DPYS: variants seen among roughly 807,000 people sequenced by gnomAD.
DPYS encodes the protein dihydropyrimidine amidohydrolase.
DPYS carries 39 observed loss-of-function variants against 50.3 expected under a neutral mutation model. The observed-to-expected ratio is 0.78, with a 90% CI of 0.60 to 1.01. The LOEUF (loss-of-function observed/expected upper bound fraction) is 1.01. DPYS is among the 50% of genes least tolerant of loss of function. The pLI is 0.00. For synonymous variants in DPYS, 245 were observed against 250.7 expected (o/e 0.98, Z 0.22); for missense variants, 659 against 680.9 (o/e 0.97, Z 0.36).
At chr8:104,461,339 T>TAA (rs1392004924) in intron 1 of DPYS, among the ~76,000 whole-genome samples, 2 of 151,384 alleles carry the variant, frequency 1.3e-5, no homozygotes, top group African/African-American at 2.4e-5. Flanking sequence ...TAAAATAAAA[T>TAA]AATGTCATTA....
chr8:104,400,241 C>T (rs1253601047), intron 7 of DPYS, among the ~76,000 whole-genome samples: 1 of 152,152 alleles, frequency 6.6e-6, no homozygotes, highest in Non-Finnish European at 1.5e-5. Context: ...GACTGATAGA[C>T]ACCTTGTCCT....
chr8:104,448,923 C>T (rs1588454548), intron 2 of DPYS, among the ~76,000 whole-genome samples: 2 of 152,164 alleles, frequency 1.3e-5, no homozygotes, highest in South Asian at 2.1e-4. Context: ...TTGCTGATCA[C>T]CTGTCGGCCC....
intron 7 of DPYS, among the ~76,000 whole-genome samples, chr8:104,417,962 T>C (rs1812421412): frequency 6.6e-6 from 1 of 152,258 alleles, no homozygotes; most frequent in Admixed American, 6.5e-5. Context: ...CCTGCTTTTC[T>C]TTCCACTGGT....
At chr8:104,431,556 A>G (rs1588439728) in intron 4 of DPYS, among the ~76,000 whole-genome samples, 1 of 152,204 alleles carries the variant, frequency 6.6e-6, no homozygotes, top group Admixed American at 6.5e-5. Flanking sequence ...CAAGAACTAA[A>G]AAGGGGAAGG....
intron 7 of DPYS, among the ~76,000 whole-genome samples, chr8:104,411,089 T>C (rs1812158511): frequency 6.6e-6 from 1 of 152,222 alleles, no homozygotes; most frequent in Non-Finnish European, 1.5e-5. Flanking sequence ...GTTGAGCTGA[T>C]ATTTTTCTCT....
chr8:104,440,000 C>A (rs1254743455), intron 4 of DPYS, among the ~76,000 whole-genome samples: 1 of 152,110 alleles, frequency 6.6e-6, no homozygotes, highest in Non-Finnish European at 1.5e-5. Flanking sequence ...TCAATTTCAT[C>A]AGTCACAAAA....
At chr8:104,461,942 C>T (rs563510822) in intron 1 of DPYS, among the ~76,000 whole-genome samples, 1 of 152,092 alleles carries the variant, frequency 6.6e-6, no homozygotes, top group Non-Finnish European at 1.5e-5. Flanking sequence ...AATGTTTACA[C>T]GTTCCCCCAA....
intron 7 of DPYS, among the ~76,000 whole-genome samples, chr8:104,412,254 C>T (rs940224876): frequency 6.6e-6 from 1 of 152,168 alleles, no homozygotes. Context: ...CACTTGTAAC[C>T]AAGGACAGAA....
chr8:104,389,051 C>T (rs1479408594), intron 8 of DPYS, among the ~76,000 whole-genome samples: 1 of 152,094 alleles, frequency 6.6e-6, no homozygotes, highest in Admixed American at 6.5e-5. Flanking sequence ...CAAGTACTGG[C>T]AAAAAAGAAT....
chr8:104,407,048 G>A (rs150338838), intron 7 of DPYS, among the ~76,000 whole-genome samples: 101 of 152,344 alleles, frequency 6.6e-4, no homozygotes, highest in African/African-American at 2.3e-3. Flanking sequence ...TGAATACGAT[G>A]CTAATAAGGA....
intron 1 of DPYS, among the ~76,000 whole-genome samples, chr8:104,463,489 A>T (rs3133279): frequency 0.29 from 44,432 of 152,066 alleles, 6,619 homozygotes; most frequent in Middle Eastern, 0.38. Context: ...AAGAACAGAC[A>T]CTAATAGGTA....
chr8:104,384,518 ACCT>A (rs1385950828), intron 8 of DPYS, among the ~76,000 whole-genome samples: 1 of 152,160 alleles, frequency 6.6e-6, no homozygotes, highest in East Asian at 1.9e-4. Flanking sequence ...AGTAGACTTA[ACCT>A]CCAACTCTTA....
At chr8:104,413,942 G>T (rs866316369) in intron 7 of DPYS, among the ~76,000 whole-genome samples, 1 of 152,134 alleles carries the variant, frequency 6.6e-6, no homozygotes, top group Non-Finnish European at 1.5e-5. Flanking sequence ...GCTACTCATG[G>T]GCCTAAGGAT....
intron 7 of DPYS, among the ~76,000 whole-genome samples, chr8:104,395,055 G>A (rs1811532886): frequency 6.6e-6 from 1 of 151,690 alleles, no homozygotes; most frequent in Non-Finnish European, 1.5e-5. Flanking sequence ...AAGTACAGTG[G>A]TGTGACCATA....
chr8:104,393,272 T>A (rs1157518914), intron 7 of DPYS, among the ~76,000 whole-genome samples: 1 of 152,238 alleles, frequency 6.6e-6, no homozygotes, highest in Non-Finnish European at 1.5e-5. Flanking sequence ...GTTCAGATTT[T>A]AAAATTATTT....
At chr8:104,455,012 G>A (rs963415874) in intron 1 of DPYS, among the ~76,000 whole-genome samples, 9 of 152,088 alleles carry the variant, frequency 5.9e-5, no homozygotes, top group African/African-American at 2.2e-4. Flanking sequence ...TCCATTTTAG[G>A]GTGGTGAATA....
rs1588437331 is a variant in DPYS, at chr8:104,429,303, A to G, written c.950+242T>C. On this transcript the variant is annotated intron_variant, in intron 5 of 9. Coordinates refer to ENST00000351513, the MANE Select transcript of DPYS (RefSeq NM_001385.3). Reference sequence around the variant, plus strand: ...CAACAAGAGATGAAAAAAGTCAGAAAAGAGTAAAGTTTCAGTGAAAACGAT... The same window carrying G: ...CAACAAGAGATGAAAAAAGTCAGAAGAGAGTAAAGTTTCAGTGAAAACGAT... 6 of 538,070 alleles carry G rather than the reference A, an allele frequency of 1.1e-5. No homozygotes were observed. The East Asian group carries it at 2.0e-4, about 18-fold the overall frequency. 33.3% of individuals were successfully genotyped at this position (538,070 alleles called of 1,614,324 possible). A position where few individuals can be genotyped will look rare whatever the true frequency, so the allele number is the denominator to read the frequency against.
In DPYS at chr8:104,428,063, G is replaced by A. The variant is rs377712931; in HGVS notation, c.1009C>T (p.Leu337Phe). 22 of 1,614,230 alleles carry A rather than the reference G, an allele frequency of 1.4e-5. No homozygotes were observed. Among genetic ancestry groups the A allele is most frequent in the Non-Finnish European group, 1.7e-5 (20 of 1,180,034 alleles). The change falls in exon 6 of 10, where the codon CTT becomes TTT. Residue 337 changes from leucine (L) to phenylalanine (F), a missense_variant. Physicochemically the swap from Leu to Phe is conservative, Grantham distance 22. Transcript: ENST00000351513. ...NCTFNTCQKALGKDDFTKIPN... is the reference protein window; with the variant it reads ...NCTFNTCQKAFGKDDFTKIPN... Reference sequence around the variant, plus strand: ...ATCTTGGTAAAATCATCCTTCCCAAGAGCTTTCTGGCAGGTGTTGAAAGTG... The same window carrying A: ...ATCTTGGTAAAATCATCCTTCCCAAAAGCTTTCTGGCAGGTGTTGAAAGTG...
intron 7 of DPYS, among the ~76,000 whole-genome samples, chr8:104,396,377 ATTCTTAAGAGTT>A (rs1811586146): frequency 6.6e-6 from 1 of 152,310 alleles, no homozygotes; most frequent in Admixed American, 6.5e-5. Context: ...GAAAAAAGAA[ATTCTTAAGAGTT>A]ACTGAAGCTC....
Sources: allele counts gnomAD v4.1 joint callset (sites outside exome capture counted in the v4.1 genomes callset), GRCh38; gene constraint gnomAD v4.1.1; transcripts MANE v1.5; gene names NCBI Gene and HGNC (gene_info 2026-07-23, HGNC 2026-07-21).